The following BACH2 variants were observed in gnomAD, a reference collection of about 807,000 sequenced individuals.
BACH2 encodes BACH transcriptional regulator 2.
Under a neutral mutation model 61.8 loss-of-function variants are expected in BACH2, and 5 were observed. The observed-to-expected ratio is 0.08, with a 90% CI of 0.04 to 0.17. The LOEUF (loss-of-function observed/expected upper bound fraction) is 0.17. Ranked by LOEUF, BACH2 falls within the 10% of genes least tolerant of loss-of-function variation. BACH2 has a pLI of 1.00. For missense variants in BACH2, 824 were observed against 1,091.1 expected, an observed-to-expected ratio of 0.76 and a Z score of 3.45; for synonymous variants, 446 against 440.1, an observed-to-expected ratio of 1.01 and a Z score of -0.17.
intron 6 of BACH2, among the ~76,000 whole-genome samples, chr6:89,991,389 G>C (rs1490931140): frequency 1.3e-5 from 2 of 152,150 alleles, no homozygotes; most frequent in African/African-American, 4.8e-5. Flanking sequence ...GAACTAGACT[G>C]TGTTAAATCA....
At chr6:90,117,947 A>T (rs1474318018) in intron 4 of BACH2, among the ~76,000 whole-genome samples, 1 of 152,118 alleles carries the variant, frequency 6.6e-6, no homozygotes, top group Non-Finnish European at 1.5e-5. Context: ...CTCTGCTTTC[A>T]CTATTTTCTA....
At chr6:90,186,417 G>C (rs1017954657) in intron 4 of BACH2, among the ~76,000 whole-genome samples, 16 of 152,094 alleles carry the variant, frequency 1.1e-4, no homozygotes, top group African/African-American at 3.6e-4. Context: ...TGTAACTTTT[G>C]AAGTCACTCT....
intron 5 of BACH2, among the ~76,000 whole-genome samples, chr6:90,073,893 G>A (rs1781357595): frequency 6.6e-6 from 1 of 152,124 alleles, no homozygotes; most frequent in African/African-American, 2.4e-5. Context: ...GTGATTTAAA[G>A]GATTTTTTTC....
intron 4 of BACH2, among the ~76,000 whole-genome samples, chr6:90,186,143 A>G (rs568905627): frequency 6.6e-6 from 1 of 152,334 alleles, no homozygotes; most frequent in South Asian, 2.1e-4. Context: ...TAATGAATGT[A>G]ATTCCAAGGA....
chr6:90,241,802 G>GA (rs58160298), intron 3 of BACH2, among the ~76,000 whole-genome samples: 38,549 of 150,176 alleles, frequency 0.26, 5,571 homozygotes, highest in Non-Finnish European at 0.34. Flanking sequence ...TAAGATAAAT[G>GA]AAAAAAAAAT....
intron 5 of BACH2, among the ~76,000 whole-genome samples, chr6:90,049,140 T>C: frequency 6.6e-6 from 1 of 152,216 alleles, no homozygotes; most frequent in East Asian, 1.9e-4. Context: ...AATCATTCCA[T>C]AAACTTTTAT....
chr6:90,268,276 G>T (rs912528048), intron 2 of BACH2, among the ~76,000 whole-genome samples: 1 of 152,122 alleles, frequency 6.6e-6, no homozygotes, highest in African/African-American at 2.4e-5. Flanking sequence ...AAAGTGCTGG[G>T]ATTACAGCCA....
intron 6 of BACH2, among the ~76,000 whole-genome samples, chr6:89,986,179 T>C (rs748788565): frequency 2.1e-4 from 32 of 151,276 alleles, no homozygotes; most frequent in Non-Finnish European, 4.4e-4. Flanking sequence ...GGGGGAGCTC[T>C]GTAAGGATGG....
At chr6:90,291,788 T>C (rs1772187774) in intron 1 of BACH2, among the ~76,000 whole-genome samples, 1 of 152,156 alleles carries the variant, frequency 6.6e-6, no homozygotes, top group African/African-American at 2.4e-5. Flanking sequence ...ACAGAAGCGA[T>C]TTTCCGTCAT....
intron 4 of BACH2, among the ~76,000 whole-genome samples, chr6:90,167,318 G>T (rs1767660307): frequency 6.6e-6 from 1 of 152,082 alleles, no homozygotes; most frequent in Admixed American, 6.6e-5. Context: ...CCCTAGGTGG[G>T]TGTCATTTTG....
At chr6:90,048,463 G>T (rs771612566) in intron 5 of BACH2, among the ~76,000 whole-genome samples, 2 of 152,126 alleles carry the variant, frequency 1.3e-5, no homozygotes, top group African/African-American at 2.4e-5. Context: ...CCAGGAACCA[G>T]GGCAAAGGAA....
intron 7 of BACH2, among the ~76,000 whole-genome samples, chr6:89,940,267 C>T (rs763519923): frequency 3.0e-4 from 45 of 152,184 alleles, no homozygotes; most frequent in Admixed American, 7.2e-4. Context: ...GCCTTGGCCT[C>T]CCAAAATGCT....
At chr6:89,942,926 C>T (rs1773520538) in intron 7 of BACH2, among the ~76,000 whole-genome samples, 1 of 152,202 alleles carries the variant, frequency 6.6e-6, no homozygotes, top group South Asian at 2.1e-4. Context: ...CCTGCCCTGT[C>T]CTGCTAAGCA....
chr6:90,165,698 A>G (rs1376380294), intron 4 of BACH2, among the ~76,000 whole-genome samples: 4 of 152,232 alleles, frequency 2.6e-5, no homozygotes, highest in African/African-American at 9.6e-5. Flanking sequence ...TGGTACTGGT[A>G]CCAAGACAGA....
At position 90,010,983 on chromosome 6, in the gene BACH2, C is replaced by T. The variant is rs537171670; in HGVS notation, c.-12-2127G>A. Among the ~76,000 whole-genome samples the T allele has an allele frequency of 2.0e-5, 3 of 152,182 alleles. No individual in the cohort carries two copies. The South Asian group carries it at 6.2e-4, about 32-fold the overall frequency. ...TTCTTCATATATTCTGAATAAAAGT[C>T]CTTTATCAGATACATGACTTGTAAA... On this transcript the variant is annotated intron_variant, in intron 5 of 8. Transcript: ENST00000257749.
intron 5 of BACH2, among the ~76,000 whole-genome samples, chr6:90,077,658 A>C (rs942805249): frequency 2.0e-5 from 3 of 152,174 alleles, no homozygotes; most frequent in African/African-American, 7.2e-5. Context: ...TTGAAAAACA[A>C]CCCAGCAAAA....
At chr6:90,059,150 T>A (rs1424514148) in intron 5 of BACH2, among the ~76,000 whole-genome samples, 2 of 152,246 alleles carry the variant, frequency 1.3e-5, no homozygotes, top group Admixed American at 1.3e-4. Context: ...AAAGAGCTTC[T>A]GCACAGCAAA....
chr6:90,146,770 G>A (rs943451200), intron 4 of BACH2, among the ~76,000 whole-genome samples: 1 of 152,156 alleles, frequency 6.6e-6, no homozygotes, highest in African/African-American at 2.4e-5. Flanking sequence ...CTAAAAGATA[G>A]GATAATGTTA....
intron 4 of BACH2, among the ~76,000 whole-genome samples, chr6:90,151,364 A>G (rs988394638): frequency 6.6e-6 from 1 of 152,100 alleles, no homozygotes; most frequent in East Asian, 1.9e-4. Flanking sequence ...ACCTTACTGT[A>G]GCCTCGACCT....
Sources: gnomAD v4.1 joint callset for allele counts (sites outside exome capture counted in the v4.1 genomes callset) on GRCh38, gnomAD v4.1.1 for gene constraint, MANE v1.5 for transcripts, NCBI Gene and HGNC (gene_info 2026-07-23, HGNC 2026-07-21) for gene names.